The following UBR3 variants were observed in gnomAD, a reference collection of about 807,000 sequenced individuals.
The protein encoded by UBR3 is ubiquitin protein ligase E3 component n-recognin 3.
In UBR3, 85 loss-of-function variants were observed where a neutral mutation model predicts 243.2. That is an observed-to-expected ratio of 0.35 (90% confidence interval 0.29 to 0.42). The LOEUF (loss-of-function observed/expected upper bound fraction) is 0.42, where lower values mean the gene tolerates loss of function less well. UBR3 is among the 10% of genes least tolerant of loss of function. The pLI is 1.00. For missense variants in UBR3, 1,686 were observed against 2,300.8 expected (o/e 0.73, Z 5.47); for synonymous variants, 748 against 799.8 (o/e 0.94, Z 1.09).
At position 169,956,320 on chromosome 2, in the gene UBR3, T is replaced by C. The variant is rs143134668; in HGVS notation, c.3546-2118T>C. 5.6e-3 allele frequency among the ~76,000 whole-genome samples: 759 copies of C among 134,540 alleles called. 4 individuals carry two copies. Among genetic ancestry groups the C allele is most frequent in the Admixed American group, 0.01 (139 of 13,526 alleles). 88.3% of individuals were successfully genotyped at this position (134,540 alleles called of 152,430 possible). On this transcript the variant is annotated intron_variant, in intron 23 of 38. Coordinates refer to ENST00000272793, the MANE Select transcript of UBR3 (RefSeq NM_172070.4). ...AAATGTTATATATATATATATAACTTTTTTAAAAATCAACTCCCTTATATA... is the reference window on the plus strand; with the variant it reads ...AAATGTTATATATATATATATAACTCTTTTAAAAATCAACTCCCTTATATA...
chr2:169,953,442 A>T (rs1254995735), intron 23 of UBR3, among the ~76,000 whole-genome samples: 1 of 152,220 alleles, frequency 6.6e-6, no homozygotes, highest in Admixed American at 6.5e-5. Flanking sequence ...AGAAAACAAG[A>T]TGCAAGCAGA....
rs2091915678 is a variant in UBR3 at position 170,081,990 on chromosome 2, C to A, written c.*147C>A. 2 of 505,158 alleles carry A rather than the reference C, an allele frequency of 4.0e-6. No homozygotes were observed. The highest frequency in any genetic ancestry group is 6.8e-6 in the Non-Finnish European group (2 of 292,392). 31.3% of individuals were successfully genotyped at this position (505,158 alleles called of 1,614,324 possible). On this transcript the variant is annotated 3_prime_UTR_variant, in exon 39 of 39. Transcript: ENST00000272793. ...TATGAAGCCTTTCCAAAATTAGGTG[C>A]TTGGTAATCACGTTAATGGTATAAT...
intron 25 of UBR3, among the ~76,000 whole-genome samples, chr2:169,990,743 A>ACACGCACACACG (rs1553527048): frequency 6.7e-6 from 1 of 148,450 alleles, no homozygotes; most frequent in Non-Finnish European, 1.5e-5. Context: ...ACACACACAC[A>ACACGCACACACG]CACACATAAA....
At chr2:169,924,206 T>C (rs1171339577) in intron 13 of UBR3, 33 bp downstream of exon 13, 7 of 1,446,878 alleles carry the variant, frequency 4.8e-6, no homozygotes, top group Non-Finnish European at 6.5e-6. Context: ...AGTTTTGAAG[T>C]GGATTCCTTG....
intron 10 of UBR3, among the ~76,000 whole-genome samples, chr2:169,910,579 C>T (rs1289819923): frequency 1.3e-5 from 2 of 152,062 alleles, no homozygotes; most frequent in African/African-American, 2.4e-5. Context: ...AGAGAGAAAA[C>T]AGGCTCCTGT....
At chr2:169,836,059 ATATATATATTT>A (rs2082095321) in intron 1 of UBR3, among the ~76,000 whole-genome samples, 1 of 40,952 alleles carries the variant, frequency 2.4e-5, no homozygotes, top group Non-Finnish European at 5.3e-5. Flanking sequence ...ATATATATAT[ATATATATATTT>A]TTTTTTTTTT....
At chr2:169,941,029 C>G (rs2086561758) in intron 19 of UBR3, among the ~76,000 whole-genome samples, 1 of 152,212 alleles carries the variant, frequency 6.6e-6, no homozygotes, top group African/African-American at 2.4e-5. Context: ...ATCCAGCCAT[C>G]ACATTGTCAT....
At chr2:169,955,300 TATTC>T (rs561594412) in intron 23 of UBR3, among the ~76,000 whole-genome samples, 48 of 152,340 alleles carry the variant, frequency 3.2e-4, no homozygotes, top group African/African-American at 1.1e-3. Flanking sequence ...ATCAACTTTA[TATTC>T]ATTTATTTTT....
intron 29 of UBR3, chr2:170,015,045 T>C: frequency 2.8e-6 from 1 of 352,678 alleles, no homozygotes; most frequent in South Asian, 6.3e-5. Flanking sequence ...TACACCATGA[T>C]GTGTGCAATT....
intron 19 of UBR3, among the ~76,000 whole-genome samples, chr2:169,940,168 C>T (rs1403647609): frequency 6.6e-6 from 1 of 152,088 alleles, no homozygotes; most frequent in East Asian, 1.9e-4. Flanking sequence ...GGGAACATTA[C>T]AGTTCTTCTA....
chr2:169,870,368 A>T (rs1404418816), intron 1 of UBR3, among the ~76,000 whole-genome samples: 13 of 152,066 alleles, frequency 8.5e-5, no homozygotes. Flanking sequence ...GCCTCAAGTG[A>T]TCCTTCAGCC....
At chr2:169,939,340 G>A (rs955935810) in intron 19 of UBR3, among the ~76,000 whole-genome samples, 1 of 150,546 alleles carries the variant, frequency 6.6e-6, no homozygotes, top group Non-Finnish European at 1.5e-5. Context: ...CTCACTGCAA[G>A]CTCCATCTCC....
In UBR3 at chr2:169,994,973, C is replaced by T. The variant is rs1354420985; in HGVS notation, c.3918+517C>T. Among the ~76,000 whole-genome samples, 6 of 152,096 alleles carry T rather than the reference C, an allele frequency of 3.9e-5. No homozygotes were observed. The East Asian group carries it at 1.2e-3, about 29-fold the overall frequency. On this transcript the variant is annotated intron_variant, in intron 26 of 38. Transcript: ENST00000272793. ...TGTCCTGCCATGGGATGGGGTCCTG[C>T]CCAGGGTCGATCCCTACCTTGTGCT...
At chr2:169,868,130 T>C (rs1471874057) in intron 1 of UBR3, among the ~76,000 whole-genome samples, 1 of 152,174 alleles carries the variant, frequency 6.6e-6, no homozygotes, top group Non-Finnish European at 1.5e-5. Context: ...TTATTGACTT[T>C]GATATCTATC....
intron 23 of UBR3, among the ~76,000 whole-genome samples, chr2:169,951,615 A>G (rs902407972): frequency 9.2e-5 from 14 of 152,162 alleles, no homozygotes; most frequent in Non-Finnish European, 2.1e-4. Context: ...TAACTCGCAC[A>G]GGGTATAAAT....
intron 24 of UBR3, among the ~76,000 whole-genome samples, chr2:169,974,295 T>G (rs894305816): frequency 6.6e-6 from 1 of 152,224 alleles, no homozygotes; most frequent in African/African-American, 2.4e-5. Context: ...CATGTGGTCC[T>G]GGGCTTTTCT....
intron 32 of UBR3, among the ~76,000 whole-genome samples, chr2:170,054,448 AT>A (rs976343671): frequency 6.6e-5 from 10 of 151,878 alleles, no homozygotes; most frequent in African/African-American, 2.2e-4. Flanking sequence ...TGCCTGGCTT[AT>A]TTTTTGTATT....
At chr2:169,911,449 T>C (rs1021785497) in intron 10 of UBR3, among the ~76,000 whole-genome samples, 2 of 152,122 alleles carry the variant, frequency 1.3e-5, no homozygotes, top group African/African-American at 2.4e-5. Flanking sequence ...TTATGCTTAT[T>C]TTTACATGTG....
At chr2:169,990,257 T>G (rs926829661) in intron 25 of UBR3, among the ~76,000 whole-genome samples, 2 of 152,138 alleles carry the variant, frequency 1.3e-5, no homozygotes, top group Non-Finnish European at 2.9e-5. Context: ...TTAAGTACAT[T>G]TATCTACATG....
Sources: allele counts gnomAD v4.1 joint callset (sites outside exome capture counted in the v4.1 genomes callset), GRCh38; gene constraint gnomAD v4.1.1; transcripts MANE v1.5; gene names NCBI Gene and HGNC (gene_info 2026-07-23, HGNC 2026-07-21).